The following MRPS10 variants were observed in gnomAD, a reference collection of about 807,000 sequenced individuals.
MRPS10 encodes the protein mitochondrial ribosomal protein S10.
A neutral mutation model predicts 27.5 loss-of-function variants in MRPS10; 23 were observed. The ratio of observed to expected loss-of-function variants is 0.84; its 90% CI spans 0.60 to 1.18. The LOEUF (loss-of-function observed/expected upper bound fraction) is 1.18, where lower values mean the gene tolerates loss of function less well. MRPS10 is among the 50% of genes most tolerant of loss of function. The pLI is 0.00. For missense variants in MRPS10, 237 were observed against 240.1 expected (o/e 0.99, Z 0.09); for synonymous variants, 88 against 84.2 (o/e 1.04, Z -0.25).
At position 42,217,858 on chromosome 6, in the gene MRPS10, T is replaced by C; in HGVS notation, c.-9A>G. ...GCTGTCCGCGCCGCCATCTTGCCGGTCCCGACCTCTCAGGATTGCTTCCGG... is the reference window on the plus strand; with the variant it reads ...GCTGTCCGCGCCGCCATCTTGCCGGCCCCGACCTCTCAGGATTGCTTCCGG... On this transcript the variant is annotated 5_prime_UTR_variant, in exon 1 of 7. Coordinates refer to ENST00000053468, the MANE Select transcript of MRPS10 (RefSeq NM_018141.4). 1.2e-6 allele frequency: 2 copies of C among 1,613,766 alleles called. No homozygotes were observed. Among genetic ancestry groups the C allele is most frequent in the Non-Finnish European group, 8.5e-7 (1 of 1,179,884 alleles).
rs747563333 is a variant in MRPS10 at position 42,208,906 on chromosome 6, T to C, written c.474A>G (p.Glu158=). The C allele has an allele frequency of 6.2e-6, 10 of 1,612,458 alleles. No homozygotes were observed. Among genetic ancestry groups the C allele is most frequent in the East Asian group, 2.2e-5 (1 of 44,820 alleles). Residue 158 remains glutamate (E), a synonymous_variant, in exon 6 of 7, where the codon GAA becomes GAG. Coordinates refer to ENST00000053468, the MANE Select transcript of MRPS10 (RefSeq NM_018141.4). ...CTTCAGGTAAGTTTCGCTGAATATA[T>C]TCCAAGTAGACATCTGCTGTGCTTC... The part of the protein sequence containing the change: ...LTGSTADVYL[E]YIQRNLPEGV...
At chr6:42,210,937 T>G (rs1768754796) in intron 4 of MRPS10, among the ~76,000 whole-genome samples, 1 of 152,232 alleles carries the variant, frequency 6.6e-6, no homozygotes, top group Admixed American at 6.5e-5. Context: ...TAGACATAGT[T>G]GTAACACCTG....
chr6:42,211,216 T>C (rs922802567), intron 4 of MRPS10, among the ~76,000 whole-genome samples: 1 of 152,196 alleles, frequency 6.6e-6, no homozygotes, highest in Non-Finnish European at 1.5e-5. Flanking sequence ...ATGATGGATG[T>C]ATTAGCCAAA....
At chr6:42,216,026 C>CTTTTTTTTTTTTTTTTTTTTTTT (rs34985131) in intron 1 of MRPS10, among the ~76,000 whole-genome samples, 1 of 56,976 alleles carries the variant, frequency 1.8e-5, no homozygotes, top group Non-Finnish European at 4.1e-5. Context: ...TTTTTCTTTT[C>CTTTTTTTTTTTTTTTTTTTTTTT]TTTTTTTTTT....
At chr6:42,216,385 A>AGAGAGAGAGAGAGAGAGAGAGTGT in intron 1 of MRPS10, among the ~76,000 whole-genome samples, 18 of 58,694 alleles carry the variant, frequency 3.1e-4, no homozygotes, top group Middle Eastern at 7.8e-3. Flanking sequence ...AGAGAGAGAG[A>AGAGAGAGAGAGAGAGAGAGAGTGT]GTGTGTGTGT....
At chr6:42,210,002 G>A (rs1284164379) in intron 5 of MRPS10, among the ~76,000 whole-genome samples, 2 of 152,186 alleles carry the variant, frequency 1.3e-5, no homozygotes, top group Non-Finnish European at 2.9e-5. Flanking sequence ...AGAGGTACAT[G>A]TCACACAGCT....
Position 42,214,170 on chromosome 6 carries a change from G to C in MRPS10, c.136C>G (p.Gln46Glu). The change falls in exon 3 of 7, where the codon CAG (glutamine) becomes GAG (glutamate). Residue 46 changes from glutamine (Q) to glutamate (E), a missense_variant. Gln to Glu is a conservative substitution (Grantham distance 29, BLOSUM62 2). Transcript: ENST00000053468. ...ACATCAACGTGTAGGTTTGAAAACT[G>C]TACCCACTTCATATTGGTACTGCTA... is the stretch of plus-strand genomic sequence containing the variant. Reference protein sequence around the residue: ...LLLSTNMKWVQFSNLHVDVPK... With the variant: ...LLLSTNMKWVEFSNLHVDVPK... 6.2e-7 allele frequency: 1 copy of C among 1,613,498 alleles called. No individual in the cohort carries two copies. Among genetic ancestry groups the C allele is most frequent in the East Asian group, 2.2e-5 (1 of 44,830 alleles).
intron 1 of MRPS10, 64 bp downstream of exon 1, chr6:42,217,738 G>T: frequency 6.5e-7 from 1 of 1,548,058 alleles, no homozygotes; most frequent in South Asian, 1.1e-5. Context: ...AGCGGCTGGT[G>T]GCAGGGAAAC....
intron 4 of MRPS10, among the ~76,000 whole-genome samples, chr6:42,211,233 C>A (rs1280493886): frequency 6.6e-6 from 1 of 152,212 alleles, no homozygotes; most frequent in Non-Finnish European, 1.5e-5. Context: ...CAAAAATCAT[C>A]ACATCCAAAG....
intron 3 of MRPS10, among the ~76,000 whole-genome samples, chr6:42,213,255 C>G (rs968517932): frequency 2.0e-5 from 3 of 152,066 alleles, no homozygotes; most frequent in African/African-American, 7.2e-5. Context: ...TTGAGACCAG[C>G]CTGGCCAACA....
chr6:42,209,013 T>C lies in MRPS10; in HGVS notation c.433-66A>G. Reference sequence around the variant, plus strand: ...GTTAAAGCACGGTTTTTTGTTTTTTTTTTTGAGATGGAGTCTCACTCTGTT... The same window carrying C: ...GTTAAAGCACGGTTTTTTGTTTTTTCTTTTGAGATGGAGTCTCACTCTGTT... On this transcript the variant is annotated intron_variant, in intron 5 of 6. Coordinates refer to ENST00000053468, the MANE Select transcript of MRPS10 (RefSeq NM_018141.4). 4.5e-6 allele frequency: 5 copies of C among 1,100,532 alleles called. No homozygotes were observed. In the South Asian group the frequency reaches 6.8e-5, roughly 15 times the overall value. 68.2% of individuals were successfully genotyped at this position (1,100,532 alleles called of 1,614,324 possible).
rs376416608 is a variant in MRPS10, at chr6:42,209,581, C to T, written c.433-634G>A. On this transcript the variant is annotated intron_variant, in intron 5 of 6. Transcript: ENST00000053468. ...TGACCAATATGGTAAAACCCCATCT[C>T]TACTAAAAATACAAAAATTAGCCAG... Among the ~76,000 whole-genome samples, 202 of 151,802 alleles carry T rather than the reference C, an allele frequency of 1.3e-3. 3 individuals carry two copies. Among genetic ancestry groups the T allele is most frequent in the African/African-American group, 4.6e-3 (192 of 41,418 alleles).
Position 42,214,303 on chromosome 6 carries a change from T to G in MRPS10, c.90A>C (p.Thr30=). ...NFSVNTSKGN[T]AKNGGLLLST... ...ACAGAAGCAAGCCACCATTTTTGGC[T>G]GTATTGCCCTTAGAAGTGTTTACAG... The change falls in exon 2 of 7, where the codon ACA becomes ACC. Residue 30 remains threonine, a synonymous_variant. Coordinates refer to ENST00000053468, the MANE Select transcript of MRPS10 (RefSeq NM_018141.4). The G allele has an allele frequency of 6.2e-7, 1 of 1,613,108 alleles. No individual in the cohort carries two copies. Among genetic ancestry groups the G allele is most frequent in the Non-Finnish European group, 8.5e-7 (1 of 1,179,388 alleles).
intron 1 of MRPS10, among the ~76,000 whole-genome samples, chr6:42,216,385 A>AGAGAGAGTGT: frequency 2.7e-4 from 16 of 58,700 alleles, no homozygotes; most frequent in African/African-American, 6.7e-4. Flanking sequence ...AGAGAGAGAG[A>AGAGAGAGTGT]GTGTGTGTGT....
intron 4 of MRPS10, 23 bp downstream of exon 4, chr6:42,211,758 G>A (rs1440460981): frequency 4.4e-6 from 7 of 1,604,766 alleles, no homozygotes; most frequent in East Asian, 4.5e-5. Flanking sequence ...CGAACAGGTC[G>A]GGTCAGGAAA....
At chr6:42,212,926 G>A (rs1386359360) in intron 3 of MRPS10, among the ~76,000 whole-genome samples, 1 of 152,194 alleles carries the variant, frequency 6.6e-6, no homozygotes, top group East Asian at 1.9e-4. Flanking sequence ...TTAAAAATCA[G>A]AAGATTTCAC....
At chr6:42,217,767 G>A (rs1261725892) in intron 1 of MRPS10, 35 bp downstream of exon 1, 1 of 1,611,146 alleles carries the variant, frequency 6.2e-7, no homozygotes, top group Non-Finnish European at 8.5e-7. Context: ...AACTATCCCG[G>A]TCAGCCCTCC....
At chr6:42,210,817 T>C (rs1456810924) in intron 4 of MRPS10, among the ~76,000 whole-genome samples, 1 of 152,160 alleles carries the variant, frequency 6.6e-6, no homozygotes, top group African/African-American at 2.4e-5. Flanking sequence ...GGCTCAAAAA[T>C]AAGCCCTGGC....
At chr6:42,215,468 AC>A (rs1389370872) in intron 1 of MRPS10, among the ~76,000 whole-genome samples, 7 of 151,420 alleles carry the variant, frequency 4.6e-5, no homozygotes, top group Non-Finnish European at 1.0e-4. Flanking sequence ...ACAAGGTCTC[AC>A]TCTGTTATCC....
Sources: allele counts gnomAD v4.1 joint callset (sites outside exome capture counted in the v4.1 genomes callset), GRCh38; gene constraint gnomAD v4.1.1; transcripts MANE v1.5; gene names NCBI Gene and HGNC (gene_info 2026-07-23, HGNC 2026-07-21).